The following ROBO2 variants were observed in gnomAD, a reference collection of about 807,000 sequenced individuals.
The protein encoded by ROBO2 is roundabout homolog 2.
Under a neutral mutation model 160.8 loss-of-function variants are expected in ROBO2, and 53 were observed. The ratio of observed to expected loss-of-function variants is 0.33; its 90% CI spans 0.26 to 0.41. ROBO2 has a LOEUF of 0.41. Among genes scored for constraint, ROBO2 ranks in the 10% least tolerant of loss-of-function variants. The probability of loss-of-function intolerance (pLI) is 1.00; values close to 1 mark genes in which losing one functional copy is unlikely to be tolerated. For synonymous variants in ROBO2, 664 were observed against 611.7 expected (o/e 1.09, Z -1.26); for missense variants, 1,577 against 1,722.4 (o/e 0.92, Z 1.49).
intron 2 of ROBO2, among the ~76,000 whole-genome samples, chr3:77,267,531 AG>A (rs1468136404): frequency 6.6e-6 from 1 of 152,168 alleles, no homozygotes; most frequent in Non-Finnish European, 1.5e-5. Flanking sequence ...TGAAAGAATA[AG>A]GGTGCTTGTT....
At chr3:76,459,526 A>T (rs958247375) in intron 2 of ROBO2, among the ~76,000 whole-genome samples, 4 of 152,164 alleles carry the variant, frequency 2.6e-5, no homozygotes, top group African/African-American at 7.2e-5. Flanking sequence ...TATAGTAACT[A>T]CTATAGACTT....
chr3:77,518,182 A>T (rs190113559), intron 5 of ROBO2, among the ~76,000 whole-genome samples: 165 of 151,602 alleles, frequency 1.1e-3, no homozygotes, highest in Middle Eastern at 3.4e-3. Flanking sequence ...ATGTTCAAAG[A>T]TAGAATAGAC....
At chr3:76,365,718 T>A (rs963637158) in intron 2 of ROBO2, among the ~76,000 whole-genome samples, 3 of 152,084 alleles carry the variant, frequency 2.0e-5, no homozygotes, top group African/African-American at 7.2e-5. Context: ...TGCAAATATC[T>A]TGAAAACTAT....
intron 2 of ROBO2, among the ~76,000 whole-genome samples, chr3:75,961,885 T>C (rs1948926004): frequency 6.6e-6 from 1 of 151,428 alleles, no homozygotes; most frequent in African/African-American, 2.4e-5. Flanking sequence ...ATACTAGAAG[T>C]AATTTATTCT....
intron 2 of ROBO2, among the ~76,000 whole-genome samples, chr3:77,423,311 A>G (rs2077883407): frequency 6.6e-6 from 1 of 152,156 alleles, no homozygotes; most frequent in Non-Finnish European, 1.5e-5. Flanking sequence ...CAATTCAGTG[A>G]CATTATTTTA....
rs1315188053 is a variant in ROBO2 at position 76,465,624 on chromosome 3, G to A, written c.109+528022G>A. On this transcript the variant is annotated intron_variant, in intron 2 of 26. Coordinates refer to the ROBO2 transcript ENST00000487694. ...AATTGAGAGTTGGCTGAAGATAGAT[G>A]TTTCTAATTTTGATGGTGTCTTTCA... Among the ~76,000 whole-genome samples, 5 of 152,000 alleles carry A rather than the reference G, an allele frequency of 3.3e-5. No individual in the cohort carries two copies. The South Asian group carries it at 1.0e-3, about 31-fold the overall frequency.
Position 77,647,809 on chromosome 3 carries a change from C to T in ROBO2, c.*1754C>T, listed in dbSNP as rs144984920. The T allele has an allele frequency of 1.4e-3, 207 of 152,194 alleles. No individual in the cohort carries two copies. The highest frequency in any genetic ancestry group is 4.8e-3 in the African/African-American group (200 of 41,534). 9.4% of individuals were successfully genotyped at this position (152,194 alleles called of 1,614,324 possible). On this transcript the variant is annotated 3_prime_UTR_variant, in exon 26 of 26. Coordinates refer to ENST00000461745, the Ensembl canonical transcript of ROBO2. Reference sequence around the variant, plus strand: ...CGTGATTAGGATCAGTTCTAAAATACGGGACCCCTTTGAGTGACAATTCGC... The same window carrying T: ...CGTGATTAGGATCAGTTCTAAAATATGGGACCCCTTTGAGTGACAATTCGC...
chr3:77,119,633 C>T (rs2150250822), intron 2 of ROBO2, among the ~76,000 whole-genome samples: 2 of 152,262 alleles, frequency 1.3e-5, no homozygotes, highest in South Asian at 4.1e-4. Flanking sequence ...TCTGTTACCT[C>T]ACAGGGAAAC....
intron 2 of ROBO2, among the ~76,000 whole-genome samples, chr3:77,251,805 A>G (rs1336377800): frequency 1.3e-5 from 2 of 152,074 alleles, no homozygotes; most frequent in Non-Finnish European, 2.9e-5. Flanking sequence ...GTCTGCCACC[A>G]TGTAAGATGT....
intron 2 of ROBO2, among the ~76,000 whole-genome samples, chr3:77,155,124 T>C (rs2077891290): frequency 6.6e-6 from 1 of 152,064 alleles, no homozygotes; most frequent in Non-Finnish European, 1.5e-5. Context: ...GGACGTATGG[T>C]CAGTGCTCAG....
At chr3:76,622,421 T>C (rs2089288926) in intron 2 of ROBO2, among the ~76,000 whole-genome samples, 1 of 152,096 alleles carries the variant, frequency 6.6e-6, no homozygotes, top group African/African-American at 2.4e-5. Flanking sequence ...GCCATGATCA[T>C]GCCACTGCCC....
intron 2 of ROBO2, among the ~76,000 whole-genome samples, chr3:77,199,785 G>A (rs1043450795): frequency 7.6e-6 from 1 of 130,820 alleles, no homozygotes; most frequent in Admixed American, 8.1e-5. Context: ...ACCGTACCTC[G>A]CTAATTTTTT....
intron 2 of ROBO2, among the ~76,000 whole-genome samples, chr3:77,099,509 T>A (rs1287336870): frequency 2.6e-5 from 4 of 152,314 alleles, no homozygotes; most frequent in African/African-American, 9.6e-5. Context: ...GCAGTAGGAC[T>A]TTAGTTAACA....
rs779582339 is a variant in ROBO2 at position 76,698,159 on chromosome 3, T to G, written c.110-399855T>G. ...TTTTTCCATCTGTACTATGTTAGCTTGTTGTTTGGCATTGCAATATGGAGT... is the reference window on the plus strand; with the variant it reads ...TTTTTCCATCTGTACTATGTTAGCTGGTTGTTTGGCATTGCAATATGGAGT... On this transcript the variant is annotated intron_variant, in intron 2 of 26. Coordinates refer to the ROBO2 transcript ENST00000487694. Among the ~76,000 whole-genome samples the G allele has an allele frequency of 4.0e-4, 61 of 152,144 alleles. 1 individual carries two copies. Among genetic ancestry groups the G allele is most frequent in the Non-Finnish European group, 6.6e-4 (45 of 68,030 alleles).
chr3:76,185,215 T>TATATATATATATATATATATATATATAC, intron 2 of ROBO2, among the ~76,000 whole-genome samples: 68 of 90,264 alleles, frequency 7.5e-4, no homozygotes, highest in South Asian at 1.2e-3. Flanking sequence ...TATATATATA[T>TATATATATATATATATATATATATATAC]ACACACACAA....
intron 15 of ROBO2, 56 bp from the exon 17 acceptor site, chr3:77,579,891 C>T (rs1054820202): frequency 2.3e-5 from 34 of 1,465,618 alleles, no homozygotes; most frequent in Middle Eastern, 3.6e-4. Context: ...ACAGTAGTCT[C>T]GTTACCAGAA....
intron 2 of ROBO2, among the ~76,000 whole-genome samples, chr3:76,961,105 A>G (rs1280997474): frequency 6.6e-6 from 1 of 152,072 alleles, no homozygotes; most frequent in East Asian, 1.9e-4. Context: ...TCAATCAGAT[A>G]ATTTTTGAAG....
At chr3:77,481,787 C>T (rs1313576473) in intron 4 of ROBO2, among the ~76,000 whole-genome samples, 2 of 152,102 alleles carry the variant, frequency 1.3e-5, no homozygotes, top group Non-Finnish European at 2.9e-5. Context: ...CTCTCCTTAG[C>T]TGGTTAAATG....
At chr3:76,741,071 A>G (rs1434526152) in intron 2 of ROBO2, among the ~76,000 whole-genome samples, 1 of 151,996 alleles carries the variant, frequency 6.6e-6, no homozygotes, top group East Asian at 1.9e-4. Context: ...AGCTGGTTCT[A>G]CTTAGTCTGT....
Sources: gnomAD v4.1 joint callset for allele counts (sites outside exome capture counted in the v4.1 genomes callset) on GRCh38, gnomAD v4.1.1 for gene constraint, MANE v1.5 for transcripts, NCBI Gene and HGNC (gene_info 2026-07-23, HGNC 2026-07-21) for gene names.